CACNA1D: variants seen among roughly 807,000 people sequenced by gnomAD.
CACNA1D encodes calcium voltage-gated channel subunit alpha1 D.
Under a neutral mutation model 257.1 loss-of-function variants are expected in CACNA1D, and 55 were observed. That is an observed-to-expected ratio of 0.21 (90% CI 0.17 to 0.27). CACNA1D has a LOEUF of 0.27. Among genes scored for constraint, CACNA1D ranks in the 10% least tolerant of loss-of-function variants. The pLI is 1.00. For synonymous variants in CACNA1D, 980 were observed against 1,014.9 expected, an observed-to-expected ratio of 0.97 and a Z score of 0.65; for missense variants, 1,876 against 2,784.0, an observed-to-expected ratio of 0.67 and a Z score of 7.34.
intron 21 of CACNA1D, among the ~76,000 whole-genome samples, chr3:53,742,769 G>A (rs530824201): frequency 6.6e-6 from 1 of 152,210 alleles, no homozygotes; most frequent in Non-Finnish European, 1.5e-5. Context: ...CTTGAAACCT[G>A]TGATCACTGT....
At position 53,780,124 on chromosome 3, in the gene CACNA1D, C is replaced by T. The variant is rs74534595; in HGVS notation, c.4686C>T (p.Thr1562=). The T allele has an allele frequency of 1.6e-3, 2,569 of 1,609,178 alleles. 39 individuals are homozygous for T. In the African/African-American group the frequency reaches 0.028, roughly 18 times the overall value. The change falls in exon 38 of 48, where the codon ACC becomes ACT. Residue 1562 remains threonine (T), a synonymous_variant. Coordinates refer to ENST00000350061, the MANE Select transcript of CACNA1D (RefSeq NM_001128840.3). ...ALVRTALKIK[T]EGNLEQANEE... is the part of the protein sequence containing the mutation. ...TTCGAACGGCTCTTAAGATCAAGACCGAAGGTGAGCATTCCCTGCCAGCAA... is the reference window on the plus strand; with the variant it reads ...TTCGAACGGCTCTTAAGATCAAGACTGAAGGTGAGCATTCCCTGCCAGCAA...
At chr3:53,807,907 C>A (rs1290897648) in intron 45 of CACNA1D, 1 of 152,490 alleles carries the variant, frequency 6.6e-6, no homozygotes, top group African/African-American at 2.4e-5. Context: ...CTGATCAGTG[C>A]AGGTAAAGTC....
chr3:53,713,231 G>A (rs919997382), intron 9 of CACNA1D, among the ~76,000 whole-genome samples: 3 of 152,182 alleles, frequency 2.0e-5, no homozygotes, highest in South Asian at 4.1e-4. Context: ...TGCAGTTATA[G>A]CAGGTCAGAG....
chr3:53,732,104 A>T, intron 18 of CACNA1D, 22 bp downstream of exon 18: 1 of 1,590,896 alleles, frequency 6.3e-7, no homozygotes, highest in Non-Finnish European at 8.6e-7. Context: ...GAGGCCGGAG[A>T]CGCTGGCTTT....
At chr3:53,650,699 C>T in intron 3 of CACNA1D, 80 bp from the exon 4 acceptor site, 1 of 1,439,178 alleles carries the variant, frequency 6.9e-7, no homozygotes, top group Non-Finnish European at 9.7e-7. Context: ...GGTGTTGATT[C>T]TAATCTCTGT....
At chr3:53,718,595 C>G (rs1215617089) in intron 10 of CACNA1D, 7 of 976,838 alleles carry the variant, frequency 7.2e-6, no homozygotes, top group Non-Finnish European at 1.1e-5. Context: ...CCCCCGCCCC[C>G]CGGCCCAGCA....
At chr3:53,632,070 T>C (rs549761811) in intron 3 of CACNA1D, among the ~76,000 whole-genome samples, 1 of 152,356 alleles carries the variant, frequency 6.6e-6, no homozygotes, top group South Asian at 2.1e-4. Flanking sequence ...GCCTGTCCTT[T>C]GAAGCTTTGA....
intron 3 of CACNA1D, among the ~76,000 whole-genome samples, chr3:53,545,952 A>G (rs1319307640): frequency 4.6e-5 from 7 of 152,180 alleles, no homozygotes; most frequent in Admixed American, 2.0e-4. Context: ...TCACGGGAAA[A>G]TAGGCAGTAG....
At chr3:53,716,371 G>C (rs2094818259) in intron 9 of CACNA1D, among the ~76,000 whole-genome samples, 1 of 152,222 alleles carries the variant, frequency 6.6e-6, no homozygotes, top group African/African-American at 2.4e-5. Flanking sequence ...ATGCCGCACA[G>C]AGTTAACTCA....
chr3:53,608,733 T>C (rs1487743870), intron 3 of CACNA1D, among the ~76,000 whole-genome samples: 2 of 152,308 alleles, frequency 1.3e-5, no homozygotes, highest in East Asian at 3.9e-4. Flanking sequence ...ATTAGAATGG[T>C]CATATGGTTT....
rs140804824 is a variant in CACNA1D at position 53,689,435 on chromosome 3, C to G, written c.1221-13206C>G. 4.7e-3 allele frequency among the ~76,000 whole-genome samples: 707 copies of G among 151,706 alleles called. 8 individuals carry two copies. The highest frequency in any genetic ancestry group is 0.017 in the African/African-American group (685 of 41,314). On this transcript the variant is annotated intron_variant, in intron 8 of 47. Coordinates refer to ENST00000350061, the MANE Select transcript of CACNA1D (RefSeq NM_001128840.3). ...CAGCTGTGCCTGGAAGGTAAAGCTG[C>G]CACCTCCCAGAGTGCAGTGGAGTTA...
At chr3:53,662,802 T>C (rs775920649) in intron 5 of CACNA1D, among the ~76,000 whole-genome samples, 5 of 152,310 alleles carry the variant, frequency 3.3e-5, no homozygotes, top group Middle Eastern at 3.4e-3. Flanking sequence ...GTGACAAATC[T>C]GAAATACAGT....
intron 39 of CACNA1D, chr3:53,782,264 G>GTATATATATATATATATATATATA (rs1553680730): frequency 1.7e-4 from 13 of 75,448 alleles, no homozygotes; most frequent in South Asian, 5.1e-4. Flanking sequence ...GTGTGTGTGT[G>GTATATATATATATATATATATATA]TATATATATA....
intron 26 of CACNA1D, among the ~76,000 whole-genome samples, chr3:53,747,666 G>T (rs569768089): frequency 3.3e-4 from 51 of 152,356 alleles, no homozygotes; most frequent in African/African-American, 1.2e-3. Flanking sequence ...GTGCCTGGCA[G>T]CATCTCTGGG....
At chr3:53,770,299 G>C in intron 31 of CACNA1D, 125 bp from the exon 32 acceptor site, 1 of 974,118 alleles carries the variant, frequency 1.0e-6, no homozygotes, top group Non-Finnish European at 1.6e-6. Flanking sequence ...TTTTTAAGAT[G>C]AAAAGGCCCT....
At chr3:53,696,159 G>A (rs2094571309) in intron 8 of CACNA1D, among the ~76,000 whole-genome samples, 1 of 152,082 alleles carries the variant, frequency 6.6e-6, no homozygotes, top group Admixed American at 6.6e-5. Context: ...GTAGAGATGG[G>A]GTCTCACTCT....
intron 39 of CACNA1D, chr3:53,786,516 A>G (rs115135403): frequency 2.9e-6 from 1 of 347,334 alleles, no homozygotes; most frequent in South Asian, 3.4e-5. Context: ...GTAAATAACC[A>G]AGACAGCATT....
rs752289610 is a variant in CACNA1D at position 53,735,470 on chromosome 3, G to A, written c.2718G>A (p.Glu906=). 2 of 1,613,912 alleles carry A rather than the reference G, an allele frequency of 1.2e-6. No homozygotes were observed. Among genetic ancestry groups the A allele is most frequent in the Non-Finnish European group, 1.7e-6 (2 of 1,179,864 alleles). ...IMLSSAALAA[E]DPIRSHSFRN... ...TGAGCAGCGCTGCCCTGGCCGCAGA[G>A]GACCCCATCCGCAGCCACTCCTTCC... Residue 906 remains glutamate (E), a synonymous_variant, in exon 20 of 48, where the codon GAG becomes GAA. Transcript: ENST00000350061.
chr3:53,691,009 A>G (rs2094514113), intron 8 of CACNA1D, among the ~76,000 whole-genome samples: 1 of 152,234 alleles, frequency 6.6e-6, no homozygotes. Context: ...GTGTTTATGA[A>G]GTGACTTCTT....
Sources: gnomAD v4.1 joint callset for allele counts (sites outside exome capture counted in the v4.1 genomes callset) on GRCh38, gnomAD v4.1.1 for gene constraint, MANE v1.5 for transcripts, NCBI Gene and HGNC (gene_info 2026-07-23, HGNC 2026-07-21) for gene names.